The following RPSA2 variants were observed in gnomAD, a reference collection of about 807,000 sequenced individuals.
RPSA2 encodes the protein small ribosomal subunit protein uS2B.
the RPSA2 span, chr19:23,828,064 G>T: frequency 1.6e-6 from 1 of 607,004 alleles, no homozygotes; most frequent in South Asian, 1.9e-5. Context: ...TTCTTGCATA[G>T]GCTCTTAAGC....
chr19:23,761,050 G>A, the RPSA2 span, among the ~76,000 whole-genome samples: 3 of 21,558 alleles, frequency 1.4e-4, no homozygotes, highest in South Asian at 2.6e-3. Flanking sequence ...GGGTATATAT[G>A]TGTATATATA....
chr19:23,831,931 AC>A, the RPSA2 span: 28 of 314,270 alleles, frequency 8.9e-5, no homozygotes, highest in South Asian at 7.0e-4. Context: ...TTCACACAAA[AC>A]CCAACATAAA....
the RPSA2 span, among the ~76,000 whole-genome samples, chr19:23,813,232 C>CA: frequency 2.6e-4 from 32 of 120,970 alleles, 6 homozygotes; most frequent in Admixed American, 8.1e-4. Flanking sequence ...GACCCTGTCT[C>CA]AAAAAAAAAA....
chr19:23,828,540 A>G, the RPSA2 span, among the ~76,000 whole-genome samples: 1 of 13,244 alleles, frequency 7.6e-5, no homozygotes, highest in African/African-American at 1.8e-4. Context: ...TAGTTTCTAT[A>G]TATTTGTAAA....
At chr19:23,761,932 T>TCC in the RPSA2 span, among the ~76,000 whole-genome samples, 9 of 53,060 alleles carry the variant, frequency 1.7e-4, no homozygotes, top group Admixed American at 8.3e-4. Flanking sequence ...TTTTTTTTTT[T>TCC]TTTGAGATGG....
chr19:23,866,666 T>C, the RPSA2 span, among the ~76,000 whole-genome samples: 1 of 151,938 alleles, frequency 6.6e-6, no homozygotes, highest in Non-Finnish European at 1.5e-5. Context: ...CCTCAAGCCA[T>C]GAGGGCATTC....
the RPSA2 span, among the ~76,000 whole-genome samples, chr19:23,790,327 T>C: frequency 1.3e-5 from 2 of 152,158 alleles, no homozygotes; most frequent in South Asian, 4.1e-4. Context: ...ATTTTATGTA[T>C]TGTTAATATA....
chr19:23,832,907 A>C, the RPSA2 span: 3 of 1,554,098 alleles, frequency 1.9e-6, no homozygotes, highest in East Asian at 7.3e-5. Flanking sequence ...GAACGTGGCA[A>C]ATCTTTTAAC....
At chr19:23,854,250 G>A in the RPSA2 span, among the ~76,000 whole-genome samples, 1 of 152,220 alleles carries the variant, frequency 6.6e-6, no homozygotes, top group Middle Eastern at 3.4e-3. Context: ...CCTAACACCA[G>A]GCCCACTGAA....
the RPSA2 span, among the ~76,000 whole-genome samples, chr19:23,825,958 C>T: frequency 2.0e-5 from 3 of 146,974 alleles, no homozygotes; most frequent in East Asian, 2.0e-4. Context: ...GGGAGAAACA[C>T]TTTTGGATTT....
the RPSA2 span, among the ~76,000 whole-genome samples, chr19:23,852,182 G>T: frequency 4.2e-3 from 639 of 152,248 alleles, 7 homozygotes; most frequent in African/African-American, 0.015. Flanking sequence ...AAGCCTCAGG[G>T]GTCAAAGTTC....
At chr19:23,839,116 G>A in the RPSA2 span, among the ~76,000 whole-genome samples, 4 of 152,216 alleles carry the variant, frequency 2.6e-5, no homozygotes, top group African/African-American at 9.6e-5. Flanking sequence ...CTGTATCCCA[G>A]AGGTTTTGAT....
chr19:23,854,244 A>T, the RPSA2 span, among the ~76,000 whole-genome samples: 1 of 152,244 alleles, frequency 6.6e-6, no homozygotes, highest in South Asian at 2.1e-4. Context: ...GCCCTACCTA[A>T]CACCAGGCCC....
At chr19:23,824,412 A>G in the RPSA2 span, among the ~76,000 whole-genome samples, 1 of 152,162 alleles carries the variant, frequency 6.6e-6, no homozygotes, top group Admixed American at 6.5e-5. Flanking sequence ...AGGAAAAATT[A>G]CTAAAGAGAC....
chr19:23,821,293 A>C, the RPSA2 span, among the ~76,000 whole-genome samples: 1 of 152,210 alleles, frequency 6.6e-6, no homozygotes, highest in Non-Finnish European at 1.5e-5. Flanking sequence ...ATGGAGTCCA[A>C]CTGCCTGGAT....
chr19:23,778,773 A>G, the RPSA2 span, among the ~76,000 whole-genome samples: 1 of 152,050 alleles, frequency 6.6e-6, no homozygotes, highest in Non-Finnish European at 1.5e-5. Context: ...GAGGATTGTG[A>G]CACATCACTT....
the RPSA2 span, among the ~76,000 whole-genome samples, chr19:23,858,956 A>T: frequency 2.0e-5 from 3 of 152,206 alleles, no homozygotes; most frequent in South Asian, 2.1e-4. Context: ...GAGGGCTGGA[A>T]GTCCCACTTG....
chr19:23,777,873 C>T, the RPSA2 span, among the ~76,000 whole-genome samples: 1 of 152,150 alleles, frequency 6.6e-6, no homozygotes, highest in African/African-American at 2.4e-5. Flanking sequence ...CACTGCCTTC[C>T]AGTGATATTG....
chr19:23,833,684 T>C, the RPSA2 span, among the ~76,000 whole-genome samples: 1 of 152,130 alleles, frequency 6.6e-6, no homozygotes. Context: ...TGCTCACATC[T>C]TACTCAAAAT....
Sources: gnomAD v4.1 joint callset for allele counts (sites outside exome capture counted in the v4.1 genomes callset) on GRCh38, gnomAD v4.1.1 for gene constraint, MANE v1.5 for transcripts, NCBI Gene and HGNC (gene_info 2026-07-23, HGNC 2026-07-21) for gene names.